Variants in CBFA2T3 observed in about 807,000 individuals in gnomAD.
The protein encoded by CBFA2T3 is CBFA2/RUNX1 partner transcriptional co-repressor 3.
Under a neutral mutation model 58.6 loss-of-function variants are expected in CBFA2T3, and 31 were observed. That is an observed-to-expected ratio of 0.53 (90% CI 0.40 to 0.71). The LOEUF (loss-of-function observed/expected upper bound fraction) is 0.71. CBFA2T3 is among the 30% of genes least tolerant of loss of function. The pLI, the probability that CBFA2T3 is intolerant of heterozygous loss-of-function variation, is 0.00. For missense variants in CBFA2T3, 1,076 were observed against 963.1 expected (o/e 1.12, Z -1.55); for synonymous variants, 531 against 421.9 (o/e 1.26, Z -3.17).
intron 1 of CBFA2T3, chr16:88,937,411 C>T (rs1031453900): frequency 6.5e-6 from 1 of 152,794 alleles, no homozygotes; most frequent in Non-Finnish European, 1.5e-5. Flanking sequence ...GTTTCCACCC[C>T]TCTCCTGCCC....
At position 88,877,036 on chromosome 16, in the gene CBFA2T3, C is replaced by T. The variant is rs1173886156; in HGVS notation, c.1902G>A (p.Ala634=). ...GAASPSEAGS[A]GPSRPGSPSP... ...TGGGGGAGCCGGGGCGAGAAGGCCC[C>T]GCAGAGCCGGCTTCGCTGGGGCTGG... is the stretch of plus-strand genomic sequence containing the variant. The change falls in exon 12 of 12, where the codon GCG becomes GCA. Residue 634 remains alanine, a synonymous_variant. Transcript: ENST00000268679. 1.5e-5 allele frequency: 22 copies of T among 1,507,576 alleles called. No individual in the cohort carries two copies. The highest frequency in any genetic ancestry group is 4.6e-4 in the Middle Eastern group (2 of 4,376). The allele number at this position is 1,507,576 out of a possible 1,614,324, so 93.4% of individuals were successfully genotyped here.
Position 88,920,269 on chromosome 16 carries a change from A to AATTTTAC in CBFA2T3, c.152-18620_152-18614dup, listed in dbSNP as rs531504308. On this transcript the variant is annotated intron_variant, in intron 1 of 11. Coordinates refer to ENST00000268679, the MANE Select transcript of CBFA2T3 (RefSeq NM_005187.6). The stretch of plus-strand genomic sequence containing the variant: ...AGGAAGCCCTATGAGGGGAGAACTG[A>AATTTTAC]ATTTTACATTTTATCTTCTTTTTTT... Among the ~76,000 whole-genome samples, 4 of 152,186 alleles carry AATTTTAC rather than the reference A, an allele frequency of 2.6e-5. No individual in the cohort carries two copies. In the East Asian group the frequency reaches 7.7e-4, roughly 29 times the overall value.
chr16:88,916,276 G>A (rs1259829504), intron 1 of CBFA2T3, among the ~76,000 whole-genome samples: 1 of 151,726 alleles, frequency 6.6e-6, no homozygotes, highest in Admixed American at 6.6e-5. Flanking sequence ...CTGTGTCTGT[G>A]TATATGCACT....
chr16:88,975,181 T>TGTCAGAGGCCCACCCTGATC (rs1567643999), intron 1 of CBFA2T3, among the ~76,000 whole-genome samples: 1 of 47,762 alleles, frequency 2.1e-5, no homozygotes, highest in South Asian at 6.5e-4. Context: ...CTGCTCCACA[T>TGTCAGAGGCCCACCCTGATC]CTTTAGCCAT....
At chr16:88,905,021 G>A (rs1479321642) in intron 1 of CBFA2T3, among the ~76,000 whole-genome samples, 1 of 152,126 alleles carries the variant, frequency 6.6e-6, no homozygotes, top group African/African-American at 2.4e-5. Flanking sequence ...AAGTGACAAG[G>A]ACCCTCAGAG....
In CBFA2T3 at chr16:88,916,127, C is replaced by G. The variant is rs149311745; in HGVS notation, c.152-14471G>C. 5.8e-3 allele frequency among the ~76,000 whole-genome samples: 854 copies of G among 148,240 alleles called. 8 individuals carry two copies. The highest frequency in any genetic ancestry group is 0.021 in the African/African-American group (820 of 39,760). On this transcript the variant is annotated intron_variant, in intron 1 of 11. Coordinates refer to ENST00000268679, the MANE Select transcript of CBFA2T3 (RefSeq NM_005187.6). The stretch of plus-strand genomic sequence containing the variant: ...GGGTGTGTGTCCGTGTATGTGTGCA[C>G]TCACGTGTACATGTGGGTGTGTGTG...
chr16:88,951,054 G>A (rs189136104), intron 1 of CBFA2T3: 4 of 385,018 alleles, frequency 1.0e-5, no homozygotes, highest in Admixed American at 2.6e-5. Flanking sequence ...GTTGGCACCT[G>A]TCTTCCGGAT....
chr16:88,882,786 T>G (rs1333007398), intron 7 of CBFA2T3, 25 bp from the exon 8 acceptor site: 1 of 1,454,728 alleles, frequency 6.9e-7, no homozygotes, highest in Admixed American at 1.9e-5. Flanking sequence ...GGTGCACGCT[T>G]AGGTCCCACC....
chr16:88,939,510 T>C (rs938229341), intron 1 of CBFA2T3: 1 of 152,278 alleles, frequency 6.6e-6, no homozygotes, highest in African/African-American at 2.4e-5. Context: ...TCCCTTTCAG[T>C]GTGGAAGAGT....
At chr16:88,929,555 C>A (rs1014253485) in intron 1 of CBFA2T3, among the ~76,000 whole-genome samples, 2 of 152,238 alleles carry the variant, frequency 1.3e-5, no homozygotes, top group African/African-American at 4.8e-5. Flanking sequence ...GCTGCATGGT[C>A]CACGCAAAAG....
chr16:88,896,794 C>T (rs1358879918), intron 3 of CBFA2T3, among the ~76,000 whole-genome samples: 1 of 152,180 alleles, frequency 6.6e-6, no homozygotes, highest in East Asian at 1.9e-4. Flanking sequence ...CCGCCCCGGC[C>T]AGCCTGGGCC....
intron 1 of CBFA2T3, among the ~76,000 whole-genome samples, chr16:88,961,235 CAG>C (rs1972345873): frequency 6.6e-6 from 1 of 152,156 alleles, no homozygotes; most frequent in African/African-American, 2.4e-5. Flanking sequence ...GGTTCCCAGA[CAG>C]GGGGCGCACG....
chr16:88,937,201 G>A (rs920527558), intron 1 of CBFA2T3: 1 of 152,264 alleles, frequency 6.6e-6, no homozygotes, highest in Non-Finnish European at 1.5e-5. Flanking sequence ...AGGAGGTGGA[G>A]AATAAAACCC....
In CBFA2T3 at chr16:88,917,872, G is replaced by GCGGGTGCGGAGGAGAGCA. The variant is rs1303254722; in HGVS notation, c.152-16217_152-16216insTGCTCTCCTCCGCACCCG. ...CGACAGAGTGGGTGCGGAGGAGAGC[G>GCGGGTGCGGAGGAGAGCA]TGGGTGCGGACGAGAGTGTGGGGTC... On this transcript the variant is annotated intron_variant, in intron 1 of 11. Transcript: ENST00000268679. Among the ~76,000 whole-genome samples the GCGGGTGCGGAGGAGAGCA allele has an allele frequency of 4.7e-3, 710 of 150,406 alleles. 1 individual carries two copies. Among genetic ancestry groups the GCGGGTGCGGAGGAGAGCA allele is most frequent in the African/African-American group, 0.016 (683 of 41,414 alleles).
chr16:88,966,362 G>A (rs906502187), intron 1 of CBFA2T3, among the ~76,000 whole-genome samples: 2 of 152,176 alleles, frequency 1.3e-5, no homozygotes, highest in African/African-American at 2.4e-5. Flanking sequence ...GCCCCTGTGA[G>A]TGCCCACAGA....
intron 1 of CBFA2T3, among the ~76,000 whole-genome samples, chr16:88,970,223 G>A (rs1972615332): frequency 1.3e-5 from 2 of 152,244 alleles, no homozygotes; most frequent in Admixed American, 1.3e-4. Context: ...GCCTTGCTGT[G>A]TGATCAGCTG....
At chr16:88,951,459 A>G in intron 1 of CBFA2T3, 2 of 383,896 alleles carry the variant, frequency 5.2e-6, no homozygotes, top group South Asian at 3.8e-5. Context: ...TGTATGTTTG[A>G]ATTTTCCTAT....
chr16:88,913,092 C>T (rs940545855), intron 1 of CBFA2T3, among the ~76,000 whole-genome samples: 1 of 152,242 alleles, frequency 6.6e-6, no homozygotes, highest in Non-Finnish European at 1.5e-5. Flanking sequence ...CACTTCCCTG[C>T]CCCCTGGATC....
chr16:88,901,008 GA>G (rs1970076159), intron 2 of CBFA2T3, among the ~76,000 whole-genome samples: 1 of 152,252 alleles, frequency 6.6e-6, no homozygotes, highest in Non-Finnish European at 1.5e-5. Flanking sequence ...CCTGAGATCT[GA>G]GCCCCTCCAA....
Sources: gnomAD v4.1 joint callset for allele counts (sites outside exome capture counted in the v4.1 genomes callset) on GRCh38, gnomAD v4.1.1 for gene constraint, MANE v1.5 for transcripts, NCBI Gene and HGNC (gene_info 2026-07-23, HGNC 2026-07-21) for gene names.